The following FAM184A variants were observed in gnomAD, a reference collection of about 807,000 sequenced individuals.
The protein encoded by FAM184A is protein FAM184A.
FAM184A carries 99 observed loss-of-function variants against 143.8 expected under a neutral mutation model. The ratio of observed to expected loss-of-function variants is 0.69; its 90% CI spans 0.58 to 0.81. The LOEUF is 0.81. Ranked by LOEUF, FAM184A falls within the 40% of genes least tolerant of loss-of-function variation. The probability of loss-of-function intolerance (pLI) is 0.00; values close to 1 mark genes in which losing one functional copy is unlikely to be tolerated. For missense variants in FAM184A, 1,217 were observed against 1,310.5 expected (o/e 0.93, Z 1.10); for synonymous variants, 427 against 446.4 (o/e 0.96, Z 0.55).
chr6:119,030,870 G>GA (rs35694521), intron 1 of FAM184A, among the ~76,000 whole-genome samples: 9 of 151,074 alleles, frequency 6.0e-5, no homozygotes, highest in Non-Finnish European at 1.3e-4. Context: ...TCATGGGATG[G>GA]AATAGTATAG....
rs572504157 is a variant in FAM184A at position 119,016,765 on chromosome 6, A to G, written c.1512T>C (p.Asp504=). The change falls in exon 5 of 18, where the codon GAT becomes GAC. Residue 504 remains aspartate, a synonymous_variant. Transcript: ENST00000338891. ...IEAVHSNAIR[D]KKKLQMDLEE... ...TACTCACCATTTGCAGTTTTTTCTT[A>G]TCCCTAATTGCATTACTGTGGACAG... 1.9e-4 allele frequency: 313 copies of G among 1,613,552 alleles called. 1 individual carries two copies. The South Asian group carries it at 3.3e-3, about 17-fold the overall frequency.
chr6:119,002,935 A>G lies in FAM184A; in HGVS notation c.2052T>C (p.Asp684=). Residue 684 remains aspartate, a synonymous_variant, in exon 9 of 18, where the codon GAT becomes GAC. Coordinates refer to ENST00000338891, the MANE Select transcript of FAM184A (RefSeq NM_024581.6). ...GATCTTCTACTTTCTTCTGCCATGAATCTCTTGCTGCATTTTTCTCTCGAT... is the reference window on the plus strand; with the variant it reads ...GATCTTCTACTTTCTTCTGCCATGAGTCTCTTGCTGCATTTTTCTCTCGAT... The part of the protein sequence containing the change: ...LKDREKNAAR[D]SWQKKVEDLL... 6.2e-7 allele frequency: 1 copy of G among 1,612,244 alleles called. No individual in the cohort carries two copies. The highest frequency in any genetic ancestry group is 1.1e-5 in the South Asian group (1 of 90,864).
intron 1 of FAM184A, among the ~76,000 whole-genome samples, chr6:119,076,303 T>C (rs905163909): frequency 2.0e-5 from 3 of 150,636 alleles, no homozygotes; most frequent in African/African-American, 7.3e-5. Flanking sequence ...GGGTGGAGAG[T>C]GTTTAGAGAC....
intron 1 of FAM184A, among the ~76,000 whole-genome samples, chr6:119,077,920 T>C (rs1283146102): frequency 6.6e-6 from 1 of 152,248 alleles, no homozygotes; most frequent in Non-Finnish European, 1.5e-5. Flanking sequence ...GAGGTGCAAG[T>C]CCCTTACGCG....
intron 1 of FAM184A, among the ~76,000 whole-genome samples, chr6:119,091,968 C>A (rs977800717): frequency 3.9e-5 from 6 of 152,116 alleles, no homozygotes; most frequent in African/African-American, 1.4e-4. Flanking sequence ...CATTGGAGTG[C>A]CAAGAATAGA....
intron 1 of FAM184A, among the ~76,000 whole-genome samples, chr6:119,027,371 T>C (rs552793600): frequency 6.6e-5 from 10 of 152,330 alleles, no homozygotes; most frequent in Admixed American, 5.9e-4. Context: ...GACTGAGACC[T>C]GTCTCACATA....
intron 14 of FAM184A, among the ~76,000 whole-genome samples, chr6:118,971,417 GAAAT>G: frequency 6.6e-6 from 1 of 152,204 alleles, no homozygotes; most frequent in South Asian, 2.1e-4. Context: ...CATCTTTTGT[GAAAT>G]AAACCTAAAC....
At position 118,988,099 on chromosome 6, in the gene FAM184A, A is replaced by G. The variant is rs145366389; in HGVS notation, c.2089-7749T>C. On this transcript the variant is annotated intron_variant, in intron 9 of 17. Coordinates refer to ENST00000338891, the MANE Select transcript of FAM184A (RefSeq NM_024581.6). ...CTTACATTGCTGATAGATTTATGCA[A>G]AGCTTCACCCAGAGACTGCCGCTAT... is the stretch of plus-strand genomic sequence containing the variant. 3.5e-3 allele frequency among the ~76,000 whole-genome samples: 527 copies of G among 152,312 alleles called. 5 individuals are homozygous for G. Among genetic ancestry groups the G allele is most frequent in the African/African-American group, 0.012 (504 of 41,576 alleles).
Position 118,994,726 on chromosome 6 carries a change from TAAATAAATAAAA to T in FAM184A, c.2088+8161_2088+8172del, listed in dbSNP as rs1432813124. 4.3e-3 allele frequency among the ~76,000 whole-genome samples: 614 copies of T among 142,144 alleles called. 5 individuals are homozygous for T. The highest frequency in any genetic ancestry group is 5.7e-3 in the Admixed American group (84 of 14,712). The allele number at this position is 142,144 out of a possible 152,430, so 93.3% of individuals were successfully genotyped here. A position where few individuals can be genotyped will look rare whatever the true frequency, so the allele number is the denominator to read the frequency against. ...ATAAATAAATAAATAAATAAATAAATAAATAAATAAAAAGCCAGAGGGTTATCATCACACAAA... is the reference window on the plus strand; with the variant it reads ...ATAAATAAATAAATAAATAAATAAATAGCCAGAGGGTTATCATCACACAAA... On this transcript the variant is annotated intron_variant, in intron 9 of 17. Transcript: ENST00000338891.
chr6:118,979,061 CTGAG>C, intron 11 of FAM184A, among the ~76,000 whole-genome samples: 1 of 152,162 alleles, frequency 6.6e-6, no homozygotes, highest in Admixed American at 6.5e-5. Context: ...GTCCTTTCTA[CTGAG>C]CAGTGATTGA....
chr6:119,137,939 C>T (rs1315651926), intron 1 of FAM184A, among the ~76,000 whole-genome samples: 1 of 152,166 alleles, frequency 6.6e-6, no homozygotes, highest in African/African-American at 2.4e-5. Context: ...TTAGCAAGGC[C>T]GGGTGGAATA....
At chr6:119,032,985 A>G (rs966788630) in intron 1 of FAM184A, among the ~76,000 whole-genome samples, 5 of 152,158 alleles carry the variant, frequency 3.3e-5, no homozygotes, top group Non-Finnish European at 7.3e-5. Flanking sequence ...TCGGTTCCAG[A>G]GCAGGAACAT....
At chr6:119,134,644 A>G (rs1789614136) in intron 1 of FAM184A, among the ~76,000 whole-genome samples, 1 of 122,700 alleles carries the variant, frequency 8.1e-6, no homozygotes, top group African/African-American at 3.3e-5. Flanking sequence ...ACAGAATGAG[A>G]CCTTGTCTCA....
intron 1 of FAM184A, among the ~76,000 whole-genome samples, chr6:119,042,236 G>A (rs73767230): frequency 6.6e-6 from 1 of 152,136 alleles, no homozygotes; most frequent in Non-Finnish European, 1.5e-5. Flanking sequence ...CCTCATCCAG[G>A]ATAATGGGAA....
intron 5 of FAM184A, among the ~76,000 whole-genome samples, chr6:119,015,519 G>A (rs1458529626): frequency 2.0e-5 from 3 of 152,320 alleles, no homozygotes; most frequent in Non-Finnish European, 4.4e-5. Context: ...CCAGCCCACC[G>A]ATGCTGCACT....
Position 118,961,898 on chromosome 6 carries a change from C to T in FAM184A, c.3204G>A (p.Leu1068=). ...RFVSVPNLSA[L]ESGGVGNGHP... ...GTCCATTGCCCACTCCACCAGATTC[C>T]AGAGCACTTAGATTGGGAACACTCA... Residue 1068 remains leucine, a synonymous_variant, in exon 17 of 18, where the codon CTG becomes CTA. Transcript: ENST00000338891. 1 of 1,613,836 alleles carries T rather than the reference C, an allele frequency of 6.2e-7. No homozygotes were observed. The highest frequency in any genetic ancestry group is 8.5e-7 in the Non-Finnish European group (1 of 1,179,864).
chr6:119,007,842 G>A (rs757144205), intron 6 of FAM184A, among the ~76,000 whole-genome samples: 10 of 152,060 alleles, frequency 6.6e-5, no homozygotes, highest in Non-Finnish European at 1.2e-4. Flanking sequence ...CTGAGAGGCT[G>A]AGGCAGGGGA....
At chr6:119,040,309 G>T (rs1259647450) in intron 1 of FAM184A, among the ~76,000 whole-genome samples, 1 of 152,162 alleles carries the variant, frequency 6.6e-6, no homozygotes, top group Non-Finnish European at 1.5e-5. Flanking sequence ...ATTTGTTGCC[G>T]TGACTTGGAT....
At chr6:119,114,669 G>A (rs1381181657) in intron 1 of FAM184A, among the ~76,000 whole-genome samples, 1 of 152,206 alleles carries the variant, frequency 6.6e-6, no homozygotes, top group Non-Finnish European at 1.5e-5. Context: ...AGCCTCTAGA[G>A]TAGCTGGGAC....
Sources: gnomAD v4.1 joint callset for allele counts (sites outside exome capture counted in the v4.1 genomes callset) on GRCh38, gnomAD v4.1.1 for gene constraint, MANE v1.5 for transcripts, NCBI Gene and HGNC (gene_info 2026-07-23, HGNC 2026-07-21) for gene names.